Variants in HIGD2B observed in about 807,000 individuals in gnomAD.
The protein encoded by HIGD2B is HIG1 domain family member 2B.
For missense variants in HIGD2B, 106 were observed against 67.0 expected, an observed-to-expected ratio of 1.58 and a Z score of -2.03; for synonymous variants, 45 against 28.1, an observed-to-expected ratio of 1.60 and a Z score of -1.90.
chr15:72,678,511 A>G (rs1428759849), intron 2 of HIGD2B, among the ~76,000 whole-genome samples: 2 of 151,982 alleles, frequency 1.3e-5, no homozygotes, highest in Admixed American at 6.6e-5. Context: ...TATATTGCCC[A>G]TGCTGGTCTC....
At position 72,686,129 on chromosome 15, in the gene HIGD2B, C is replaced by G. The variant is rs559733866; in HGVS notation, c.-504G>C. The G allele has an allele frequency of 1.6e-6, 2 of 1,288,978 alleles. No individual in the cohort carries two copies. The highest frequency in any genetic ancestry group is 2.2e-6 in the Non-Finnish European group (2 of 918,878). 79.8% of individuals were successfully genotyped at this position (1,288,978 alleles called of 1,614,324 possible). ...GTCACTCGGCGATTTACTTCCTTCC[C>G]CCGCTTCCTCACAGTCCTCCACAGC... On this transcript the variant is annotated 5_prime_UTR_variant, in exon 1 of 3. Transcript: ENST00000311755.
chr15:72,677,853 A>T (rs1479773789), intron 2 of HIGD2B, among the ~76,000 whole-genome samples: 2 of 152,218 alleles, frequency 1.3e-5, no homozygotes, highest in Admixed American at 1.3e-4. Context: ...GGGAAGAAAC[A>T]GAGCTGTATG....
chr15:72,676,439 C>G (rs1595890833), intron 2 of HIGD2B, 52 bp from the exon 3 acceptor site: 1 of 632,200 alleles, frequency 1.6e-6, no homozygotes, highest in African/African-American at 1.8e-5. Context: ...GAGTCTTGCT[C>G]TGTAGCCCAG....
At chr15:72,683,166 G>C (rs1344244052) in intron 1 of HIGD2B, among the ~76,000 whole-genome samples, 1 of 152,220 alleles carries the variant, frequency 6.6e-6, no homozygotes, top group African/African-American at 2.4e-5. Context: ...GAAATAAATT[G>C]TTGCATCTTT....
chr15:72,678,657 C>T (rs773802222), intron 2 of HIGD2B, among the ~76,000 whole-genome samples: 7 of 152,094 alleles, frequency 4.6e-5, no homozygotes, highest in Non-Finnish European at 7.3e-5. Context: ...AAAGAGATTC[C>T]TGGGGGCAGC....
intron 1 of HIGD2B, among the ~76,000 whole-genome samples, chr15:72,684,326 T>C (rs75927241): frequency 0.085 from 12,906 of 152,004 alleles, 697 homozygotes; most frequent in Non-Finnish European, 0.12. Context: ...TACAAAGACA[T>C]TTATGGCCTA....
At chr15:72,682,926 G>C in intron 1 of HIGD2B, 1 of 191,568 alleles carries the variant, frequency 5.2e-6, no homozygotes. Context: ...GGAGAATGCT[G>C]CAGTCTATTC....
At chr15:72,685,597 A>G (rs1296313005) in intron 1 of HIGD2B, among the ~76,000 whole-genome samples, 1 of 152,188 alleles carries the variant, frequency 6.6e-6, no homozygotes, top group Non-Finnish European at 1.5e-5. Flanking sequence ...ATTCAGATCT[A>G]TTTCACTGCC....
At chr15:72,680,740 T>G (rs986811527) in intron 1 of HIGD2B, among the ~76,000 whole-genome samples, 1 of 152,016 alleles carries the variant, frequency 6.6e-6, no homozygotes, top group African/African-American at 2.4e-5. Flanking sequence ...TACAAAAAAT[T>G]AGCTGGCCGT....
At chr15:72,682,734 A>ATCTG (rs2064762321) in intron 1 of HIGD2B, 1 of 185,668 alleles carries the variant, frequency 5.4e-6, no homozygotes, top group Non-Finnish European at 1.2e-5. Flanking sequence ...AACTTCATCC[A>ATCTG]GATGTCTAGA....
Position 72,686,104 on chromosome 15 carries a change from G to C in HIGD2B, c.-479C>G. On this transcript the variant is annotated 5_prime_UTR_variant, in exon 1 of 3. Coordinates refer to ENST00000311755, the MANE Select transcript of HIGD2B (RefSeq NM_001350932.3). Reference sequence around the variant, plus strand: ...CCTAATCCTCCCCCTGATTCCTTAGGTCACTCGGCGATTTACTTCCTTCCC... The same window carrying C: ...CCTAATCCTCCCCCTGATTCCTTAGCTCACTCGGCGATTTACTTCCTTCCC... The C allele has an allele frequency of 9.9e-7, 1 of 1,007,968 alleles. No individual in the cohort carries two copies. 62.4% of individuals were successfully genotyped at this position (1,007,968 alleles called of 1,614,324 possible).
chr15:72,684,497 A>G (rs184156571), intron 1 of HIGD2B, among the ~76,000 whole-genome samples: 1 of 151,430 alleles, frequency 6.6e-6, no homozygotes, highest in Admixed American at 6.6e-5. Context: ...CTGAAAAAAA[A>G]TTTTTTTGAG....
chr15:72,681,599 A>ATGTTTTT (rs1316907223), intron 1 of HIGD2B, among the ~76,000 whole-genome samples: 1 of 117,410 alleles, frequency 8.5e-6, no homozygotes, highest in African/African-American at 3.4e-5. Context: ...TTGAACCAAA[A>ATGTTTTT]TTTTTTTTTT....
chr15:72,681,381 C>T (rs897117307), intron 1 of HIGD2B, among the ~76,000 whole-genome samples: 47 of 152,192 alleles, frequency 3.1e-4, no homozygotes, highest in African/African-American at 1.1e-3. Flanking sequence ...CCACATCTCC[C>T]TTTTTTCAGT....
chr15:72,679,743 A>C (rs1772756590), intron 2 of HIGD2B, among the ~76,000 whole-genome samples: 1 of 152,102 alleles, frequency 6.6e-6, no homozygotes, highest in Admixed American at 6.5e-5. Flanking sequence ...AAACACTTGC[A>C]TTTTGGGAAA....
intron 1 of HIGD2B, among the ~76,000 whole-genome samples, chr15:72,681,333 T>C (rs961611515): frequency 1.3e-5 from 2 of 152,052 alleles, no homozygotes; most frequent in African/African-American, 4.8e-5. Flanking sequence ...AGGCGTAGAG[T>C]CAGAACTCTC....
At chr15:72,679,447 G>A (rs1414920540) in intron 2 of HIGD2B, among the ~76,000 whole-genome samples, 2 of 151,648 alleles carry the variant, frequency 1.3e-5, no homozygotes, top group Admixed American at 6.6e-5. Context: ...GGGAAGGAAG[G>A]AAGGAAGGAT....
intron 2 of HIGD2B, among the ~76,000 whole-genome samples, chr15:72,677,330 G>T (rs2064702698): frequency 6.6e-6 from 1 of 152,168 alleles, no homozygotes; most frequent in Non-Finnish European, 1.5e-5. Flanking sequence ...AGAGGCTGAG[G>T]CAGGAGAATC....
chr15:72,685,113 T>G (rs533777296), intron 1 of HIGD2B, among the ~76,000 whole-genome samples: 3 of 152,312 alleles, frequency 2.0e-5, no homozygotes, highest in African/African-American at 7.2e-5. Context: ...ACTGAAATAC[T>G]TAGAAGAGCT....
Sources: gnomAD v4.1 joint callset for allele counts (sites outside exome capture counted in the v4.1 genomes callset) on GRCh38, gnomAD v4.1.1 for gene constraint, MANE v1.5 for transcripts, NCBI Gene and HGNC (gene_info 2026-07-23, HGNC 2026-07-21) for gene names.